KALRN: variants seen among roughly 807,000 people sequenced by gnomAD.
The protein encoded by KALRN is kalirin.
A neutral mutation model predicts 353.7 loss-of-function variants in KALRN; 70 were observed. The observed-to-expected ratio is 0.20, with a 90% confidence interval of 0.16 to 0.24. KALRN has a LOEUF of 0.24. KALRN is among the 10% of genes least tolerant of loss of function. KALRN has a pLI of 1.00. For missense variants in KALRN, 2,791 were observed against 3,756.7 expected, an observed-to-expected ratio of 0.74 and a Z score of 6.72; for synonymous variants, 1,391 against 1,434.8, an observed-to-expected ratio of 0.97 and a Z score of 0.69.
intron 1 of KALRN, among the ~76,000 whole-genome samples, chr3:124,211,734 C>T (rs561925463): frequency 7.2e-5 from 11 of 152,272 alleles, no homozygotes; most frequent in African/African-American, 2.4e-4. Flanking sequence ...GTGACATGTC[C>T]TTTCCCAGTG....
chr3:124,397,968 A>T (rs60999206), intron 12 of KALRN, among the ~76,000 whole-genome samples: 2,114 of 152,318 alleles, frequency 0.014, 37 homozygotes, highest in African/African-American at 0.047. Flanking sequence ...CTTATTTAAC[A>T]GCAAACTGTG....
At chr3:124,529,233 T>G (rs574664096) in intron 33 of KALRN, among the ~76,000 whole-genome samples, 14 of 152,116 alleles carry the variant, frequency 9.2e-5, no homozygotes, top group Non-Finnish European at 1.8e-4. Context: ...TACAATTACA[T>G]AGCATGTACA....
chr3:124,079,731 C>T (rs1003924172), intron 1 of KALRN, among the ~76,000 whole-genome samples: 1 of 152,168 alleles, frequency 6.6e-6, no homozygotes, highest in South Asian at 2.1e-4. Context: ...TGACAGAGAG[C>T]TCATGATCTG....
chr3:124,270,072 A>T (rs773148261), intron 5 of KALRN, among the ~76,000 whole-genome samples: 1 of 152,242 alleles, frequency 6.6e-6, no homozygotes, highest in Admixed American at 6.5e-5. Context: ...TTTGCTGAGG[A>T]TACAAAGGTA....
intron 15 of KALRN, among the ~76,000 whole-genome samples, chr3:124,423,361 C>A (rs951613085): frequency 3.3e-5 from 5 of 152,194 alleles, no homozygotes; most frequent in Non-Finnish European, 5.9e-5. Flanking sequence ...TAATTTGGGG[C>A]ACTGTGTGCC....
At chr3:124,331,490 G>A (rs868172008) in intron 8 of KALRN, among the ~76,000 whole-genome samples, 4 of 152,160 alleles carry the variant, frequency 2.6e-5, no homozygotes, top group Admixed American at 2.6e-4. Context: ...TGAAGGTAAT[G>A]TATGTAATGC....
At chr3:124,590,611 A>G (rs2075676782) in intron 34 of KALRN, among the ~76,000 whole-genome samples, 1 of 152,120 alleles carries the variant, frequency 6.6e-6, no homozygotes. Flanking sequence ...CCCTAAAAAC[A>G]TTGCCCATCT....
chr3:124,222,614 G>A (rs150883914), intron 1 of KALRN, among the ~76,000 whole-genome samples: 9 of 152,186 alleles, frequency 5.9e-5, no homozygotes, highest in Non-Finnish European at 1.2e-4. Context: ...TGTGGTGGGG[G>A]CTGTTGAGAC....
intron 1 of KALRN, among the ~76,000 whole-genome samples, chr3:124,105,224 T>C (rs971848625): frequency 6.6e-6 from 1 of 152,218 alleles, no homozygotes; most frequent in Non-Finnish European, 1.5e-5. Context: ...TAGGTTTGAC[T>C]TGAGGAGTGG....
At chr3:124,090,889 G>C (rs1254661577) in intron 1 of KALRN, among the ~76,000 whole-genome samples, 1 of 152,222 alleles carries the variant, frequency 6.6e-6, no homozygotes, top group Non-Finnish European at 1.5e-5. Flanking sequence ...TAGAGAATGT[G>C]TGAGGTTAGC....
At chr3:124,655,458 A>C (rs1434326527) in intron 38 of KALRN, 143 bp from the exon 39 acceptor site, 1 of 641,874 alleles carries the variant, frequency 1.6e-6, no homozygotes, top group East Asian at 2.6e-5. Flanking sequence ...AAGCATCCGT[A>C]AGCATCTTTC....
chr3:124,671,807 A>G lies in KALRN; in HGVS notation c.6851A>G (p.Asn2284Ser). The change falls in exon 48 of 60, where the codon AAC (asparagine) becomes AGC (serine). Residue 2284 changes from asparagine (N) to serine (S), a missense_variant. This residue lies in a region of KALRN where 1,065 missense variants were observed against 1,156.4 expected (regional missense o/e 0.92). Coordinates refer to ENST00000682506, the MANE Select transcript of KALRN (RefSeq NM_001388419.1). ...AAGCCCCCAAAGGGCTCCAGCTATA[A>G]CCCACCTCTGCCTCCCCTGAAGATA... ...SEKPPKGSSY[N>S]PPLPPLKIST... 1 of 1,614,122 alleles carries G rather than the reference A, an allele frequency of 6.2e-7. No homozygotes were observed. Among genetic ancestry groups the G allele is most frequent in the Admixed American group, 1.7e-5 (1 of 60,016 alleles).
chr3:124,499,920 G>A (rs2064318114), intron 33 of KALRN, among the ~76,000 whole-genome samples: 1 of 152,034 alleles, frequency 6.6e-6, no homozygotes, highest in African/African-American at 2.4e-5. Context: ...TTCACATCCA[G>A]GTTGCCTTCA....
rs867317407 is a variant in KALRN at position 124,477,683 on chromosome 3, C to T, written c.4191+349C>T. 7.2e-5 allele frequency among the ~76,000 whole-genome samples: 11 copies of T among 152,208 alleles called. No individual in the cohort carries two copies. The East Asian group carries it at 1.2e-3, about 16-fold the overall frequency. On this transcript the variant is annotated intron_variant, in intron 27 of 59. Transcript: ENST00000682506. ...ACAGCTCTCACAAATGTAGTGTTTC[C>T]GAAAGTGTGATCCTTGGACCTCAGT...
chr3:124,638,693 C>A (rs535138275), intron 37 of KALRN, among the ~76,000 whole-genome samples: 1 of 152,168 alleles, frequency 6.6e-6, no homozygotes, highest in Non-Finnish European at 1.5e-5. Flanking sequence ...CCTTCACACC[C>A]AATTGGTCTT....
At chr3:124,250,913 G>T in intron 3 of KALRN, among the ~76,000 whole-genome samples, 1 of 152,298 alleles carries the variant, frequency 6.6e-6, no homozygotes, top group South Asian at 2.1e-4. Flanking sequence ...GTCCTGAAAT[G>T]GATGTCAGTT....
chr3:124,311,344 TCCCAGCTACTGGGGAGGGCGAAGC>T (rs2078251432), intron 6 of KALRN, among the ~76,000 whole-genome samples: 1 of 151,482 alleles, frequency 6.6e-6, no homozygotes, highest in Non-Finnish European at 1.5e-5. Context: ...ACGCCTATAG[TCCCAGCTACTGGGGAGGGCGAAGC>T]AGGAGAATCG....
intron 34 of KALRN, among the ~76,000 whole-genome samples, chr3:124,585,557 G>A (rs2075087338): frequency 6.6e-6 from 1 of 152,048 alleles, no homozygotes; most frequent in African/African-American, 2.4e-5. Context: ...AGACTTGCAG[G>A]AAGCAACCAA....
chr3:124,575,165 T>C (rs186684368), intron 34 of KALRN, among the ~76,000 whole-genome samples: 53 of 152,340 alleles, frequency 3.5e-4, no homozygotes, highest in Middle Eastern at 6.8e-3. Context: ...AGGACTGGGT[T>C]GTCTTGTTTT....
Sources: allele counts gnomAD v4.1 joint callset (sites outside exome capture counted in the v4.1 genomes callset), GRCh38; gene constraint gnomAD v4.1.1; regional missense constraint gnomAD v4.1.1; transcripts MANE v1.5; gene names NCBI Gene and HGNC (gene_info 2026-07-23, HGNC 2026-07-21).